The following PGM3 variants were observed in gnomAD, a reference collection of about 807,000 sequenced individuals.
PGM3 encodes the protein phosphoglucomutase 3, also known as phosphoacetylglucosamine mutase.
Under a neutral mutation model 66.2 loss-of-function variants are expected in PGM3, and 40 were observed. That is an observed-to-expected ratio of 0.60 (90% CI 0.47 to 0.79). PGM3 has a LOEUF of 0.79. Ranked by LOEUF, PGM3 falls within the 30% of genes least tolerant of loss-of-function variation. The pLI is 0.00. For missense variants in PGM3, 537 were observed against 643.4 expected (o/e 0.83, Z 1.79); for synonymous variants, 191 against 224.2 (o/e 0.85, Z 1.32).
intron 3 of PGM3, among the ~76,000 whole-genome samples, chr6:83,187,531 T>C (rs1199720323): frequency 6.6e-6 from 1 of 152,216 alleles, no homozygotes; most frequent in Non-Finnish European, 1.5e-5. Flanking sequence ...AAAACTGCCT[T>C]GGCCAGGCAC....
At chr6:83,169,666 ATCATGGATAT>A (rs755290603) in intron 12 of PGM3, 2 of 466,506 alleles carry the variant, frequency 4.3e-6, no homozygotes, top group South Asian at 3.1e-5. Flanking sequence ...CTCCTCATCC[ATCATGGATAT>A]TCATTAGACT....
chr6:83,153,351 G>A, the PGM3 span: 1 of 462,946 alleles, frequency 2.2e-6, no homozygotes, highest in Non-Finnish European at 3.7e-6. Flanking sequence ...AAAAGCAGAT[G>A]GTGGCAAAAC....
chr6:83,154,124 T>A, the PGM3 span: 1 of 1,612,142 alleles, frequency 6.2e-7, no homozygotes, highest in Non-Finnish European at 8.5e-7. Context: ...AAAGTTAGAA[T>A]ACTGTTCTTT....
downstream of PGM3, chr6:83,162,744 C>T: frequency 6.4e-7 from 1 of 1,558,130 alleles, no homozygotes. Flanking sequence ...TCTTAGATGG[C>T]ACAAAGTCTG....
the PGM3 span, chr6:83,151,789 G>T: frequency 6.9e-7 from 1 of 1,451,524 alleles, no homozygotes; most frequent in South Asian, 1.3e-5. Flanking sequence ...CAAGTCTATT[G>T]TAAAATATCT....
At chr6:83,182,004 A>G (rs1283318644) in intron 5 of PGM3, 73 bp from the exon 6 acceptor site, 2 of 791,872 alleles carry the variant, frequency 2.5e-6, no homozygotes, top group African/African-American at 1.8e-5. Context: ...AAGCATATAT[A>G]CATATGTGCA....
chr6:83,191,256 A>T (rs1242081082), intron 1 of PGM3: 2 of 1,533,888 alleles, frequency 1.3e-6, no homozygotes, highest in African/African-American at 2.7e-5. Context: ...GATTGTCCCC[A>T]CTCTCCTCCC....
chr6:83,168,634 A>G lies in PGM3; in HGVS notation c.*600T>C. On this transcript the variant is annotated 3_prime_UTR_variant, in exon 13 of 13. Coordinates refer to ENST00000513973, the MANE Select transcript of PGM3 (RefSeq NM_015599.3). ...ATACCTTCACCAAGAGCAGTGAAGA[A>G]TAACTGAAGGCTGGACCATGCATCC... is the stretch of plus-strand genomic sequence containing the variant. The G allele has an allele frequency of 5.0e-6, 5 of 996,314 alleles. No individual in the cohort carries two copies. Among genetic ancestry groups the G allele is most frequent in the Non-Finnish European group, 6.0e-6 (5 of 836,842 alleles). 61.7% of individuals were successfully genotyped at this position (996,314 alleles called of 1,614,324 possible).
intron 8 of PGM3, among the ~76,000 whole-genome samples, chr6:83,176,593 T>C (rs1249424317): frequency 6.6e-6 from 1 of 152,208 alleles, no homozygotes; most frequent in East Asian, 1.9e-4. Flanking sequence ...AGGAGGCTTC[T>C]AGGACTAATC....
chr6:83,165,371 A>C lies in PGM3; in HGVS notation c.*3863T>G, dbSNP rs1785221952. On this transcript the variant is annotated 3_prime_UTR_variant, in exon 13 of 13. Transcript: ENST00000513973. ...TGTTTTTGACCAGAGATGATGAAGT[A>C]GGTGATCTTTTCTTGGTTTGCTCCT... The C allele has an allele frequency of 6.6e-6, 1 of 152,440 alleles. No homozygotes were observed. Among genetic ancestry groups the C allele is most frequent in the Non-Finnish European group, 1.5e-5 (1 of 68,228 alleles). The allele number at this position is 152,440 out of a possible 1,614,324, so 9.4% of individuals were successfully genotyped here. A position where few individuals can be genotyped will look rare whatever the true frequency, so the allele number is the denominator to read the frequency against.
At position 83,167,349 on chromosome 6, in the gene PGM3, C is replaced by T. The variant is rs1786002114; in HGVS notation, c.*1885G>A. On this transcript the variant is annotated 3_prime_UTR_variant, in exon 13 of 13. Transcript: ENST00000513973. Reference sequence around the variant, plus strand: ...CCCTTCCTTTCTCTGTGATGCAGTACTGACAGTAATTATTCACTTTGGACA... The same window carrying T: ...CCCTTCCTTTCTCTGTGATGCAGTATTGACAGTAATTATTCACTTTGGACA... 4.1e-6 allele frequency: 4 copies of T among 985,320 alleles called. No individual in the cohort carries two copies. The South Asian group carries it at 1.9e-4, about 46-fold the overall frequency. 61.0% of individuals were successfully genotyped at this position (985,320 alleles called of 1,614,324 possible). A position where few individuals can be genotyped will look rare whatever the true frequency, so the allele number is the denominator to read the frequency against.
In PGM3 at chr6:83,166,628, A is replaced by G. The variant is rs1785738847; in HGVS notation, c.*2606T>C. 1.0e-5 allele frequency: 9 copies of G among 892,930 alleles called. No homozygotes were observed. Among genetic ancestry groups the G allele is most frequent in the Non-Finnish European group, 1.4e-5 (9 of 647,446 alleles). 55.3% of individuals were successfully genotyped at this position (892,930 alleles called of 1,614,324 possible). On this transcript the variant is annotated 3_prime_UTR_variant, in exon 13 of 13. Transcript: ENST00000513973. ...CACATTTATTTAAGAATGTACTCCA[A>G]TATAAAACGGCAAATTTCAACAATG...
At chr6:83,163,956 GCCCAAGAAC>G (rs1172655830), downstream of PGM3, among the ~76,000 whole-genome samples, 2 of 151,586 alleles carry the variant, frequency 1.3e-5, no homozygotes, top group African/African-American at 4.8e-5. Flanking sequence ...ACAGATCTTT[GCCCAAGAAC>G]CTACCAGCAA....
intron 1 of PGM3, chr6:83,192,957 C>A (rs1293724800): frequency 6.6e-6 from 1 of 152,324 alleles, no homozygotes; most frequent in Non-Finnish European, 1.5e-5. Context: ...CCTAGGTCCA[C>A]GTACCAGAGC....
In PGM3 at chr6:83,181,717, C is replaced by G; in HGVS notation, c.787+19G>C. 6.5e-7 allele frequency: 1 copy of G among 1,540,082 alleles called. No individual in the cohort carries two copies. The highest frequency in any genetic ancestry group is 8.8e-7 in the Non-Finnish European group (1 of 1,141,436). On this transcript the variant is annotated intron_variant, in intron 6 of 12. Transcript: ENST00000513973. ...AAAGAGCATTAAAAACAAATTTTTGCAGTGCTAGTACGACATACCCTGTGG... is the reference window on the plus strand; with the variant it reads ...AAAGAGCATTAAAAACAAATTTTTGGAGTGCTAGTACGACATACCCTGTGG...
downstream of PGM3, chr6:83,160,109 A>C: frequency 2.6e-6 from 2 of 777,238 alleles, no homozygotes; most frequent in Non-Finnish European, 4.0e-6. Context: ...CAGCAGAGTT[A>C]TCGGAAGTAA....
At chr6:83,158,487 A>T (rs2128394762), downstream of PGM3, 1 of 1,114,770 alleles carries the variant, frequency 9.0e-7, no homozygotes, top group Non-Finnish European at 1.3e-6. Flanking sequence ...TTTTTGCGTT[A>T]ATGAAAATAC....
At chr6:83,158,008 T>G (rs1388452300), downstream of PGM3, among the ~76,000 whole-genome samples, 2 of 152,098 alleles carry the variant, frequency 1.3e-5, no homozygotes, top group Non-Finnish European at 2.9e-5. Context: ...CCTTTTTTTT[T>G]TGTTTTTTGA....
downstream of PGM3, chr6:83,157,105 G>A (rs1782971579): frequency 7.0e-7 from 1 of 1,428,126 alleles, no homozygotes; most frequent in Admixed American, 2.1e-5. Context: ...TAGTTTGAGA[G>A]TACTGGACCG....
Sources: allele counts gnomAD v4.1 joint callset (sites outside exome capture counted in the v4.1 genomes callset), GRCh38; gene constraint gnomAD v4.1.1; transcripts MANE v1.5; gene names NCBI Gene and HGNC (gene_info 2026-07-23, HGNC 2026-07-21).